Variants in ZNF678 observed in about 807,000 individuals in gnomAD.
The protein encoded by ZNF678 is hypothetical protein MGC42493.
ZNF678 carries 5 observed loss-of-function variants against 3.0 expected under a neutral mutation model. The observed-to-expected ratio is 1.69, with a 90% CI of 0.88 to 3.56. The LOEUF is 3.56. ZNF678 is among the 30% of genes most tolerant of loss of function. ZNF678 has a pLI of 0.00. For missense variants in ZNF678, 593 were observed against 605.0 expected, an observed-to-expected ratio of 0.98 and a Z score of 0.21; for synonymous variants, 218 against 199.6, an observed-to-expected ratio of 1.09 and a Z score of -0.78.
At chr1:227,624,492 G>A (rs976830749) in intron 1 of ZNF678, among the ~76,000 whole-genome samples, 2 of 152,232 alleles carry the variant, frequency 1.3e-5, no homozygotes, top group Non-Finnish European at 2.9e-5. Flanking sequence ...GCATGGCAGA[G>A]AGCATTTTTG....
intron 1 of ZNF678, among the ~76,000 whole-genome samples, chr1:227,613,044 C>T (rs1449812038): frequency 6.6e-6 from 1 of 152,172 alleles, no homozygotes; most frequent in African/African-American, 2.4e-5. Context: ...GAGCCTTTCA[C>T]CTTTAATACC....
intron 5 of ZNF678, among the ~76,000 whole-genome samples, chr1:227,669,418 C>T (rs535466353): frequency 3.0e-4 from 45 of 152,068 alleles, no homozygotes; most frequent in Non-Finnish European, 2.8e-4. Flanking sequence ...GGGTGGATCA[C>T]GAGGTCAGGA....
chr1:227,616,793 C>A (rs1250786709), intron 1 of ZNF678, among the ~76,000 whole-genome samples: 2 of 152,188 alleles, frequency 1.3e-5, no homozygotes, highest in Non-Finnish European at 2.9e-5. Context: ...ATAAGCTAGG[C>A]CCTAACCTTC....
intron 1 of ZNF678, among the ~76,000 whole-genome samples, chr1:227,619,551 G>A (rs566467881): frequency 2.6e-5 from 4 of 151,492 alleles, no homozygotes; most frequent in Non-Finnish European, 4.4e-5. Flanking sequence ...TTGCTCTGTT[G>A]CCCAGGCTGG....
intron 1 of ZNF678, among the ~76,000 whole-genome samples, chr1:227,614,872 A>G (rs1051664594): frequency 2.6e-5 from 4 of 152,190 alleles, no homozygotes; most frequent in Admixed American, 1.3e-4. Context: ...CCCTGACCAC[A>G]TTGCTACCCA....
intron 1 of ZNF678, among the ~76,000 whole-genome samples, chr1:227,604,042 A>C (rs931723176): frequency 9.9e-5 from 15 of 152,236 alleles, no homozygotes; most frequent in African/African-American, 3.6e-4. Context: ...ATAGGATTCC[A>C]ATATAAAATG....
At chr1:227,576,869 T>G (rs1387286593) in intron 1 of ZNF678, among the ~76,000 whole-genome samples, 2 of 152,194 alleles carry the variant, frequency 1.3e-5, no homozygotes, top group African/African-American at 4.8e-5. Flanking sequence ...TGTTGGCATT[T>G]AGTGTTATAA....
intron 1 of ZNF678, 149 bp downstream of exon 1, chr1:227,563,873 C>A: frequency 1.5e-6 from 1 of 676,314 alleles, no homozygotes; most frequent in Non-Finnish European, 2.3e-6. Context: ...ATTCTCCTCC[C>A]ATCACTGCGC....
intron 1 of ZNF678, among the ~76,000 whole-genome samples, chr1:227,641,310 G>C (rs1417734490): frequency 4.6e-5 from 7 of 152,166 alleles, no homozygotes; most frequent in African/African-American, 1.4e-4. Flanking sequence ...TTTAATGAGC[G>C]CCTGGATGCA....
chr1:227,631,534 T>C (rs1488343402), intron 1 of ZNF678, among the ~76,000 whole-genome samples: 1 of 152,214 alleles, frequency 6.6e-6, no homozygotes, highest in Non-Finnish European at 1.5e-5. Context: ...AGGTAACCTT[T>C]TGAGTCAGGA....
intron 1 of ZNF678, among the ~76,000 whole-genome samples, chr1:227,565,317 C>G (rs2102709036): frequency 6.6e-6 from 1 of 151,340 alleles, no homozygotes; most frequent in Admixed American, 6.6e-5. Flanking sequence ...ACCCGCCTCT[C>G]CCTCCCAAAG....
intron 5 of ZNF678, among the ~76,000 whole-genome samples, chr1:227,673,108 T>G (rs1659628011): frequency 6.6e-6 from 1 of 152,132 alleles, no homozygotes. Flanking sequence ...CACCACACTA[T>G]GCCAGGAACT....
chr1:227,590,062 C>A (rs982260644), intron 1 of ZNF678, among the ~76,000 whole-genome samples: 1 of 151,748 alleles, frequency 6.6e-6, no homozygotes, highest in African/African-American at 2.4e-5. Context: ...AGCGATGAAA[C>A]CTTTTACCAT....
intron 1 of ZNF678, among the ~76,000 whole-genome samples, chr1:227,619,552 C>T (rs1658223017): frequency 6.6e-6 from 1 of 151,306 alleles, no homozygotes; most frequent in Admixed American, 6.6e-5. Flanking sequence ...TGCTCTGTTG[C>T]CCAGGCTGGA....
Position 227,659,636 on chromosome 1 carries a change from TAAA to T in ZNF678, c.*3811_*3813del, listed in dbSNP as rs1460547049. 1 of 142,690 alleles carries T rather than the reference TAAA, an allele frequency of 7.0e-6. No individual in the cohort carries two copies. The highest frequency in any genetic ancestry group is 2.7e-5 in the African/African-American group (1 of 36,486). The allele number at this position is 142,690 out of a possible 1,614,324, so 8.8% of individuals were successfully genotyped here. ...GATAAGTAGACATTTTTAAAAATCATAAAAACTGTATTTTCTATATAGTTCAGC... is the reference window on the plus strand; with the variant it reads ...GATAAGTAGACATTTTTAAAAATCATAACTGTATTTTCTATATAGTTCAGC... On this transcript the variant is annotated 3_prime_UTR_variant, in exon 4 of 4. Coordinates refer to ENST00000343776, the MANE Select transcript of ZNF678 (RefSeq NM_001367909.1).
intron 1 of ZNF678, among the ~76,000 whole-genome samples, chr1:227,641,718 G>A (rs1339099913): frequency 1.3e-5 from 2 of 151,418 alleles, no homozygotes; most frequent in Non-Finnish European, 2.9e-5. Context: ...CTCTCTATTT[G>A]GAATCTACAG....
At chr1:227,601,912 G>A (rs1448573575) in intron 1 of ZNF678, among the ~76,000 whole-genome samples, 1 of 152,120 alleles carries the variant, frequency 6.6e-6, no homozygotes, top group Non-Finnish European at 1.5e-5. Context: ...TTTGTACATT[G>A]ATTTTGTGTT....
chr1:227,602,257 A>T (rs780563654), intron 1 of ZNF678, among the ~76,000 whole-genome samples: 21 of 152,352 alleles, frequency 1.4e-4, no homozygotes, highest in Non-Finnish European at 2.8e-4. Context: ...AGATTATTAA[A>T]ATAAAAATCC....
At chr1:227,597,269 C>T (rs911251496) in intron 1 of ZNF678, among the ~76,000 whole-genome samples, 15 of 151,842 alleles carry the variant, frequency 9.9e-5, no homozygotes, top group East Asian at 1.9e-4. Flanking sequence ...TTTAAGAAGG[C>T]GTTTAAGTGG....
Sources: gnomAD v4.1 joint callset for allele counts (sites outside exome capture counted in the v4.1 genomes callset) on GRCh38, gnomAD v4.1.1 for gene constraint, MANE v1.5 for transcripts, NCBI Gene and HGNC (gene_info 2026-07-23, HGNC 2026-07-21) for gene names.